The following ABCA12 variants were observed in gnomAD, a reference collection of about 807,000 sequenced individuals.
ABCA12 encodes the protein ATP binding cassette subfamily A member 12.
In ABCA12, 156 loss-of-function variants were observed where a neutral mutation model predicts 293.5. The observed-to-expected ratio is 0.53, with a 90% CI of 0.47 to 0.61. ABCA12 has a LOEUF of 0.61. ABCA12 is among the 20% of genes least tolerant of loss of function. The pLI is 0.00. For missense variants in ABCA12, 2,797 were observed against 3,090.2 expected, an observed-to-expected ratio of 0.91 and a Z score of 2.25; for synonymous variants, 1,063 against 1,108.0, an observed-to-expected ratio of 0.96 and a Z score of 0.81.
chr2:214,954,272 T>C (rs1304706792), intron 43 of ABCA12, among the ~76,000 whole-genome samples, 165 bp from the exon 44 acceptor site: 4 of 152,172 alleles, frequency 2.6e-5, no homozygotes, highest in Admixed American at 1.3e-4. Context: ...TTTAGTATAC[T>C]AAATGGTGGA....
At chr2:214,935,608 G>C (rs745591411) in intron 51 of ABCA12, among the ~76,000 whole-genome samples, 2 of 152,076 alleles carry the variant, frequency 1.3e-5, no homozygotes, top group African/African-American at 4.8e-5. Context: ...ACCAGCTTGG[G>C]CAACATAGTG....
At chr2:215,107,955 C>A (rs1298395942) in intron 2 of ABCA12, among the ~76,000 whole-genome samples, 1 of 152,180 alleles carries the variant, frequency 6.6e-6, no homozygotes, top group Non-Finnish European at 1.5e-5. Flanking sequence ...CTTGCTCTTG[C>A]TGCTGACTTT....
intron 13 of ABCA12, among the ~76,000 whole-genome samples, chr2:215,018,603 AG>A (rs1023889329): frequency 6.6e-6 from 1 of 152,214 alleles, no homozygotes; most frequent in Non-Finnish European, 1.5e-5. Context: ...ACAGTTATAA[AG>A]GGTTTTTACA....
In ABCA12 at chr2:214,934,196, A is replaced by G; in HGVS notation, c.7562T>C (p.Leu2521Pro). 6.2e-7 allele frequency: 1 copy of G among 1,613,756 alleles called. No individual in the cohort carries two copies. The highest frequency in any genetic ancestry group is 8.5e-7 in the Non-Finnish European group (1 of 1,179,740). ...TYLKDQHLSM[L>P]EYHVPVTAGG... ...TGCTGTGACTGGTACATGATACTCT[A>G]GCATGCTGAGGTGCTGATCCTGTGG... The change falls in exon 52 of 53, where the codon CTA (leucine) becomes CCA (proline). Residue 2521 changes from leucine to proline, a missense_variant. Leu to Pro is a moderately conservative substitution (Grantham distance 98, BLOSUM62 -3). This residue lies in a region of ABCA12 where 2,130 missense variants were observed against 2,427.0 expected (regional missense o/e 0.88). Transcript: ENST00000272895.
intron 1 of ABCA12, among the ~76,000 whole-genome samples, chr2:215,111,989 G>T (rs532309096): frequency 4.6e-5 from 7 of 152,170 alleles, no homozygotes; most frequent in East Asian, 1.9e-4. Flanking sequence ...ACCCTGATTG[G>T]TTACTTCATT....
chr2:214,979,085 C>T (rs776605896), intron 31 of ABCA12, 45 bp from the exon 32 acceptor site: 20 of 1,543,160 alleles, frequency 1.3e-5, no homozygotes, highest in Non-Finnish European at 1.8e-5. Flanking sequence ...TCTCTTTACA[C>T]TATAGTGCTC....
intron 2 of ABCA12, among the ~76,000 whole-genome samples, 171 bp downstream of exon 2, chr2:215,111,426 T>C (rs1475258471): frequency 5.3e-5 from 8 of 152,214 alleles, no homozygotes; most frequent in Non-Finnish European, 1.5e-5. Context: ...CTCAACTTTC[T>C]GACTAACTTG....
chr2:214,966,266 C>A (rs528972294), intron 39 of ABCA12, among the ~76,000 whole-genome samples: 1 of 152,016 alleles, frequency 6.6e-6, no homozygotes, highest in African/African-American at 2.4e-5. Context: ...GGAGAGCATC[C>A]GGAAGAATAG....
chr2:215,048,920 C>A (rs974614436), intron 6 of ABCA12, among the ~76,000 whole-genome samples: 1 of 152,098 alleles, frequency 6.6e-6, no homozygotes, highest in African/African-American at 2.4e-5. Context: ...CGAAATACTG[C>A]ATTTTCTCAC....
At chr2:214,963,921 C>T (rs1254335295) in intron 39 of ABCA12, among the ~76,000 whole-genome samples, 1 of 39,566 alleles carries the variant, frequency 2.5e-5, no homozygotes, top group Non-Finnish European at 5.1e-5. Context: ...GAGACTCTGC[C>T]TCAAAAAAAA....
chr2:214,980,968 C>T (rs1324477051), intron 30 of ABCA12, among the ~76,000 whole-genome samples: 1 of 151,832 alleles, frequency 6.6e-6, no homozygotes, highest in Non-Finnish European at 1.5e-5. Flanking sequence ...GCCTATAATC[C>T]CAGCTACTTG....
chr2:215,072,364 G>A (rs1575025246), intron 2 of ABCA12, among the ~76,000 whole-genome samples: 1 of 152,156 alleles, frequency 6.6e-6, no homozygotes, highest in East Asian at 1.9e-4. Context: ...ATAGGCAAGA[G>A]GCACTGGGGG....
At chr2:214,963,771 A>C (rs1266189075) in intron 39 of ABCA12, among the ~76,000 whole-genome samples, 2 of 151,720 alleles carry the variant, frequency 1.3e-5, no homozygotes, top group Admixed American at 6.6e-5. Context: ...AATACAAAAA[A>C]TTAGCCAGGC....
chr2:215,054,027 T>C (rs979650003), intron 4 of ABCA12, among the ~76,000 whole-genome samples: 5 of 152,044 alleles, frequency 3.3e-5, no homozygotes, highest in African/African-American at 1.2e-4. Context: ...CTGGCCTAGA[T>C]GTGAAGCAAG....
chr2:214,992,737 T>C (rs1699946182), intron 23 of ABCA12, among the ~76,000 whole-genome samples: 1 of 150,858 alleles, frequency 6.6e-6, no homozygotes, highest in African/African-American at 2.4e-5. Flanking sequence ...TGGTGGTGCC[T>C]GTAATCTCAG....
At chr2:214,983,166 G>T (rs1574961310) in intron 29 of ABCA12, among the ~76,000 whole-genome samples, 1 of 152,250 alleles carries the variant, frequency 6.6e-6, no homozygotes, top group East Asian at 1.9e-4. Flanking sequence ...AATCAGAAGT[G>T]AGAATGGAGG....
chr2:214,946,235 T>C (rs973494792), intron 48 of ABCA12, among the ~76,000 whole-genome samples: 4 of 152,092 alleles, frequency 2.6e-5, no homozygotes, highest in Non-Finnish European at 5.9e-5. Flanking sequence ...AGTTAAATAA[T>C]TTTTTAAAAA....
At chr2:214,963,803 C>T (rs919821021) in intron 39 of ABCA12, among the ~76,000 whole-genome samples, 23 of 151,338 alleles carry the variant, frequency 1.5e-4, no homozygotes, top group African/African-American at 5.6e-4. Context: ...ACCTGTAATC[C>T]CACCTACTTG....
intron 44 of ABCA12, among the ~76,000 whole-genome samples, chr2:214,953,570 A>G (rs1194056277): frequency 1.3e-5 from 2 of 152,176 alleles, no homozygotes; most frequent in African/African-American, 4.8e-5. Context: ...GTTCATTTAC[A>G]TATTTTCACT....
Sources: gnomAD v4.1 joint callset for allele counts (sites outside exome capture counted in the v4.1 genomes callset) on GRCh38, gnomAD v4.1.1 for gene constraint, gnomAD v4.1.1 regional missense constraint, MANE v1.5 for transcripts, NCBI Gene and HGNC (gene_info 2026-07-23, HGNC 2026-07-21) for gene names.